STXBP5L: variants seen among roughly 807,000 people sequenced by gnomAD.
STXBP5L encodes syntaxin binding protein 5L.
A neutral mutation model predicts 144.5 loss-of-function variants in STXBP5L; 65 were observed. That is an observed-to-expected ratio of 0.45 (90% CI 0.37 to 0.55). STXBP5L has a LOEUF of 0.55. Among genes scored for constraint, STXBP5L ranks in the 20% least tolerant of loss-of-function variants. The pLI is 0.00. For missense variants in STXBP5L, 1,298 were observed against 1,405.5 expected, an observed-to-expected ratio of 0.92 and a Z score of 1.22; for synonymous variants, 505 against 469.6, an observed-to-expected ratio of 1.08 and a Z score of -0.97.
intron 20 of STXBP5L, among the ~76,000 whole-genome samples, chr3:121,329,364 A>G (rs577655987): frequency 7.2e-5 from 11 of 152,282 alleles, no homozygotes; most frequent in Non-Finnish European, 1.5e-4. Context: ...GTGCTTTAAG[A>G]TCTGGCATGT....
At chr3:121,021,803 TA>T (rs1482280538) in intron 3 of STXBP5L, among the ~76,000 whole-genome samples, 1 of 152,048 alleles carries the variant, frequency 6.6e-6, no homozygotes, top group East Asian at 1.9e-4. Context: ...AATGCCTATA[TA>T]AAAAAGTCTG....
At chr3:121,108,112 G>C in intron 5 of STXBP5L, among the ~76,000 whole-genome samples, 1 of 152,144 alleles carries the variant, frequency 6.6e-6, no homozygotes, top group East Asian at 1.9e-4. Context: ...AAGCTTTTAG[G>C]CTGAAGCGAT....
intron 12 of STXBP5L, among the ~76,000 whole-genome samples, 155 bp from the exon 13 acceptor site, chr3:121,238,816 A>G (rs534723397): frequency 2.4e-5 from 3 of 124,392 alleles, no homozygotes; most frequent in Non-Finnish European, 4.8e-5. Flanking sequence ...TTACAAAAAG[A>G]GCATTTTTGT....
At chr3:121,051,622 C>A (rs532065002) in intron 5 of STXBP5L, among the ~76,000 whole-genome samples, 2 of 152,180 alleles carry the variant, frequency 1.3e-5, no homozygotes, top group Admixed American at 1.3e-4. Context: ...TAAATGCCCA[C>A]AAGAGAAAGC....
chr3:121,315,376 A>C (rs1303061614), intron 19 of STXBP5L, among the ~76,000 whole-genome samples: 3 of 151,806 alleles, frequency 2.0e-5, no homozygotes, highest in African/African-American at 7.3e-5. Flanking sequence ...TCAGCAAACT[A>C]TCGCAAGGAC....
chr3:121,232,501 G>T (rs991417864), intron 11 of STXBP5L, among the ~76,000 whole-genome samples: 4 of 152,150 alleles, frequency 2.6e-5, no homozygotes, highest in Non-Finnish European at 5.9e-5. Flanking sequence ...ATGCTGGGGA[G>T]ACAGGAACCA....
intron 14 of STXBP5L, among the ~76,000 whole-genome samples, chr3:121,244,262 T>C (rs1326840102): frequency 6.6e-6 from 1 of 151,774 alleles, no homozygotes; most frequent in East Asian, 1.9e-4. Context: ...TATATGATAA[T>C]TGATTTGAAA....
intron 10 of STXBP5L, among the ~76,000 whole-genome samples, chr3:121,211,115 G>A (rs1385283322): frequency 6.6e-6 from 1 of 152,122 alleles, no homozygotes; most frequent in Non-Finnish European, 1.5e-5. Context: ...GTTGAACAGT[G>A]GTTTGAAGTT....
At chr3:121,166,327 TTGTTTC>T (rs1224688534) in intron 9 of STXBP5L, among the ~76,000 whole-genome samples, 1 of 152,148 alleles carries the variant, frequency 6.6e-6, no homozygotes, top group African/African-American at 2.4e-5. Flanking sequence ...AATATAATGT[TTGTTTC>T]TGTCTCCTTG....
At chr3:121,355,254 T>C (rs2045464364) in intron 20 of STXBP5L, among the ~76,000 whole-genome samples, 1 of 152,340 alleles carries the variant, frequency 6.6e-6, no homozygotes, top group South Asian at 2.1e-4. Context: ...GTTGGGGAAG[T>C]TCTCCTGGAT....
At chr3:121,109,377 C>T (rs756585268) in intron 5 of STXBP5L, among the ~76,000 whole-genome samples, 4 of 152,082 alleles carry the variant, frequency 2.6e-5, no homozygotes, top group Admixed American at 1.3e-4. Context: ...CTATAAATTT[C>T]CCTCTTAACA....
intron 19 of STXBP5L, among the ~76,000 whole-genome samples, chr3:121,303,110 G>A (rs1030770401): frequency 7.4e-4 from 112 of 151,930 alleles, no homozygotes; most frequent in African/African-American, 2.6e-3. Flanking sequence ...CAAAATGGGA[G>A]AAAATTTTTG....
intron 10 of STXBP5L, among the ~76,000 whole-genome samples, chr3:121,207,788 A>G (rs1284689185): frequency 6.6e-6 from 1 of 151,974 alleles, no homozygotes; most frequent in Admixed American, 6.6e-5. Flanking sequence ...GTGAGATACC[A>G]TCTCACACCA....
chr3:121,010,774 T>A (rs1384490846), intron 3 of STXBP5L, among the ~76,000 whole-genome samples: 1 of 151,864 alleles, frequency 6.6e-6, no homozygotes, highest in African/African-American at 2.4e-5. Context: ...AAGAAAATCA[T>A]AAGAAAGAGA....
chr3:121,006,483 T>C (rs987962617), intron 3 of STXBP5L, among the ~76,000 whole-genome samples: 1 of 152,168 alleles, frequency 6.6e-6, no homozygotes, highest in African/African-American at 2.4e-5. Flanking sequence ...TACAGCACAC[T>C]GATGGATCTT....
chr3:121,071,659 G>C (rs1180005469), intron 5 of STXBP5L, among the ~76,000 whole-genome samples: 2 of 152,176 alleles, frequency 1.3e-5, no homozygotes, highest in African/African-American at 4.8e-5. Flanking sequence ...AAGTGGTTGG[G>C]TTCTATTGTT....
intron 3 of STXBP5L, among the ~76,000 whole-genome samples, chr3:120,973,640 C>T (rs112368309): frequency 0.027 from 4,023 of 151,710 alleles, 71 homozygotes; most frequent in Non-Finnish European, 0.044. Flanking sequence ...TGTGCTGCAC[C>T]CATTAACTTG....
chr3:121,246,145 C>A (rs2049844292), intron 14 of STXBP5L, among the ~76,000 whole-genome samples: 1 of 152,220 alleles, frequency 6.6e-6, no homozygotes, highest in Non-Finnish European at 1.5e-5. Flanking sequence ...ACCACCTGAG[C>A]TCTGCCTCCT....
chr3:121,249,278 A>G (rs1164840099), intron 14 of STXBP5L, among the ~76,000 whole-genome samples: 2 of 152,140 alleles, frequency 1.3e-5, no homozygotes, highest in Non-Finnish European at 2.9e-5. Context: ...CCATATTTTA[A>G]TTGTGATTAC....
Sources: gnomAD v4.1 joint callset for allele counts (sites outside exome capture counted in the v4.1 genomes callset) on GRCh38, gnomAD v4.1.1 for gene constraint, MANE v1.5 for transcripts, NCBI Gene and HGNC (gene_info 2026-07-23, HGNC 2026-07-21) for gene names.